The following BMX variants were observed in gnomAD, a reference collection of about 807,000 sequenced individuals.
BMX encodes the protein cytoplasmic tyrosine-protein kinase BMX.
Under a neutral mutation model 59.2 loss-of-function variants are expected in BMX, and 31 were observed. The observed-to-expected ratio is 0.52, with a 90% confidence interval of 0.39 to 0.71. The LOEUF (loss-of-function observed/expected upper bound fraction) is 0.71. BMX is among the 30% of genes least tolerant of loss of function. BMX has a pLI of 0.00. For missense variants in BMX, 474 were observed against 491.7 expected, an observed-to-expected ratio of 0.96 and a Z score of 0.34; for synonymous variants, 185 against 181.0, an observed-to-expected ratio of 1.02 and a Z score of -0.18.
chrX:15,545,555 G>A (rs1006934681), intron 16 of BMX, among the ~76,000 whole-genome samples: 4 of 111,651 alleles, frequency 3.6e-5, no homozygotes, highest in Non-Finnish European at 7.5e-5. Flanking sequence ...TTAGAGGAAG[G>A]TCATATACCA....
At chrX:15,514,662 T>C (rs1248819900) in intron 4 of BMX, among the ~76,000 whole-genome samples, 1 of 112,287 alleles carries the variant, frequency 8.9e-6, no homozygotes, top group African/African-American at 3.2e-5. Context: ...CAAAAGAGGC[T>C]AATTTGTTAT....
intron 4 of BMX, among the ~76,000 whole-genome samples, chrX:15,515,627 C>T (rs1924122754): frequency 1.8e-5 from 2 of 111,828 alleles, no homozygotes; most frequent in Admixed American, 1.9e-4. Flanking sequence ...TATGGATGCT[C>T]ATTGTATTAA....
intron 7 of BMX, among the ~76,000 whole-genome samples, chrX:15,523,773 T>G (rs1924583044): frequency 9.0e-6 from 1 of 111,691 alleles, no homozygotes; most frequent in African/African-American, 3.3e-5. Context: ...TGTTTTCAAA[T>G]AACCAGGAGG....
chrX:15,548,265 C>A (rs753095992), intron 17 of BMX, among the ~76,000 whole-genome samples: 120 of 110,191 alleles, frequency 1.1e-3, no homozygotes, highest in African/African-American at 3.2e-3. Flanking sequence ...AAGACCAGCC[C>A]AGCCAACATG....
intron 14 of BMX, among the ~76,000 whole-genome samples, chrX:15,541,501 GAA>G (rs199726017): frequency 9.1e-6 from 1 of 110,327 alleles, no homozygotes; most frequent in African/African-American, 3.3e-5. Flanking sequence ...TTTTAAAAAA[GAA>G]AAAAAATCAA....
intron 4 of BMX, 149 bp downstream of exon 4, chrX:15,511,667 A>G: frequency 2.1e-6 from 1 of 478,887 alleles, no homozygotes; most frequent in Non-Finnish European, 3.5e-6. Context: ...AACCTCAGGG[A>G]ATGTGTCAGA....
intron 1 of BMX, 79 bp from the exon 2 acceptor site, chrX:15,508,266 G>A (rs1052309701): frequency 1.5e-5 from 10 of 668,692 alleles, no homozygotes; most frequent in African/African-American, 6.8e-5. Context: ...ATAGGAAATC[G>A]TTGAGGAAAA....
At chrX:15,521,172 A>G (rs911788698) in intron 6 of BMX, among the ~76,000 whole-genome samples, 3 of 111,640 alleles carry the variant, frequency 2.7e-5, no homozygotes, top group Non-Finnish European at 3.8e-5. Context: ...GAAACACAAC[A>G]TCACAGAACC....
chrX:15,514,076 G>T (rs1168910638), intron 4 of BMX, among the ~76,000 whole-genome samples: 1 of 111,375 alleles, frequency 9.0e-6, no homozygotes, highest in East Asian at 2.8e-4. Flanking sequence ...GTTGGAAAAA[G>T]AATTAGTTAC....
intron 16 of BMX, among the ~76,000 whole-genome samples, chrX:15,543,442 TG>T (rs1925794508): frequency 9.0e-6 from 1 of 111,358 alleles, no homozygotes; most frequent in African/African-American, 3.3e-5. Context: ...TTAATTTTTG[TG>T]GGTACATAGT....
rs28462309 is a variant in BMX, at chrX:15,523,924, T to C, written c.752+1337T>C. Among the ~76,000 whole-genome samples the C allele has an allele frequency of 1.2e-4, 13 of 112,396 alleles. No homozygotes were observed. The East Asian group carries it at 2.8e-3, about 24-fold the overall frequency. On this transcript the variant is annotated intron_variant, in intron 7 of 18. Coordinates refer to ENST00000348343, the MANE Select transcript of BMX (RefSeq NM_203281.3). ...GTTATTTTAACAAAGGATTGATTGA[T>C]CACCTCTTAGCATGAGCAGCATTGC...
intron 1 of BMX, among the ~76,000 whole-genome samples, chrX:15,504,044 GC>G (rs1387029808): frequency 1.4e-4 from 16 of 111,624 alleles, no homozygotes; most frequent in African/African-American, 5.2e-4. Flanking sequence ...CCCTCCTTAA[GC>G]ATTGGCTAGG....
At chrX:15,537,442 T>C (rs963773820) in intron 14 of BMX, 137 bp downstream of exon 14, 4 of 638,252 alleles carry the variant, frequency 6.3e-6, no homozygotes, top group Non-Finnish European at 9.2e-6. Flanking sequence ...TTAGAAGTTA[T>C]AAATTGAACT....
chrX:15,537,762 A>G (rs1253761041), intron 14 of BMX, among the ~76,000 whole-genome samples: 1 of 111,296 alleles, frequency 9.0e-6, no homozygotes, highest in Non-Finnish European at 1.9e-5. Context: ...TTTACCCTTA[A>G]GCGGACAGAC....
In BMX at chrX:15,509,452, T is replaced by C. The variant is rs748060322; in HGVS notation, c.243+19T>C. 4 of 1,054,413 alleles carry C rather than the reference T, an allele frequency of 3.8e-6. No homozygotes were observed. In the Admixed American group the frequency reaches 7.1e-5, roughly 19 times the overall value. 86.9% of individuals were successfully genotyped at this position (1,054,413 alleles called of 1,213,427 possible). A position where few individuals can be genotyped will look rare whatever the true frequency, so the allele number is the denominator to read the frequency against. On this transcript the variant is annotated intron_variant, in intron 3 of 18. Transcript: ENST00000348343. ...ATTTCAGGTAAAGGGAAGAACGACA[T>C]TGCATTGGGTGGATAGTTCTTCCTT...
intron 7 of BMX, among the ~76,000 whole-genome samples, chrX:15,523,304 G>A (rs1285798329): frequency 3.6e-5 from 4 of 111,778 alleles, no homozygotes; most frequent in Non-Finnish European, 7.5e-5. Context: ...TCCCTGCAGG[G>A]AAGTCATGTC....
Position 15,534,204 on chromosome X carries a change from G to C in BMX, c.1020-8G>C, listed in dbSNP as rs1925222530. The stretch of plus-strand genomic sequence containing the variant: ...TTTTAAATGTTCTAACATTCTTTCT[G>C]TTACTAGTGATAAAAAAGGAACTGT... On this transcript the variant is annotated splice_polypyrimidine_tract_variant and splice_region_variant and intron_variant, in intron 11 of 18. Coordinates refer to ENST00000348343, the MANE Select transcript of BMX (RefSeq NM_203281.3). The C allele has an allele frequency of 8.7e-7, 1 of 1,144,176 alleles. No individual in the cohort carries two copies. Among genetic ancestry groups the C allele is most frequent in the Admixed American group, 2.6e-5 (1 of 38,534 alleles). The allele number at this position is 1,144,176 out of a possible 1,213,427, so 94.3% of individuals were successfully genotyped here. A position where few individuals can be genotyped will look rare whatever the true frequency, so the allele number is the denominator to read the frequency against.
intron 7 of BMX, among the ~76,000 whole-genome samples, chrX:15,523,098 A>G (rs1412016688): frequency 8.9e-6 from 1 of 112,479 alleles, no homozygotes; most frequent in Non-Finnish European, 1.9e-5. Context: ...TGAAGGCAAC[A>G]TGTAAATTGT....
At position 15,521,740 on chromosome X, in the gene BMX, GC is replaced by G. The variant is rs754438313; in HGVS notation, c.511-604del. On this transcript the variant is annotated intron_variant, in intron 6 of 18. Coordinates refer to ENST00000348343, the MANE Select transcript of BMX (RefSeq NM_203281.3). ...ACCACCTTATCTCCCTTTTATAAAG[GC>G]CATTTTGATTACATCAGGCCCACCC... is the stretch of plus-strand genomic sequence containing the variant. Among the ~76,000 whole-genome samples, 43 of 111,136 alleles carry G rather than the reference GC, an allele frequency of 3.9e-4. No individual in the cohort carries two copies. In the East Asian group the frequency reaches 4.0e-3, roughly 10 times the overall value.
Sources: gnomAD v4.1 joint callset for allele counts (sites outside exome capture counted in the v4.1 genomes callset) on GRCh38, gnomAD v4.1.1 for gene constraint, MANE v1.5 for transcripts, NCBI Gene and HGNC (gene_info 2026-07-23, HGNC 2026-07-21) for gene names.